STS: variants seen among roughly 807,000 people sequenced by gnomAD.
STS encodes the protein steryl-sulfatase.
Under a neutral mutation model 26.8 loss-of-function variants are expected in STS, and 7 were observed. That is an observed-to-expected ratio of 0.26 (90% CI 0.15 to 0.49). STS has a LOEUF of 0.49. Among genes scored for constraint, STS ranks in the 20% least tolerant of loss-of-function variants. The pLI is 0.98. For synonymous variants in STS, 199 were observed against 189.4 expected (o/e 1.05, Z -0.42); for missense variants, 434 against 465.6 (o/e 0.93, Z 0.63).
intron 2 of STS, among the ~76,000 whole-genome samples, chrX:7,204,406 C>G (rs942284727): frequency 9.0e-6 from 1 of 111,172 alleles, no homozygotes; most frequent in Non-Finnish European, 1.9e-5. Context: ...TTTTCTCATT[C>G]ATCATTTGTC....
intron 10 of STS, among the ~76,000 whole-genome samples, chrX:7,337,079 G>A (rs1241842538): frequency 7.1e-5 from 8 of 111,956 alleles, no homozygotes; most frequent in Non-Finnish European, 1.1e-4. Flanking sequence ...ATCATTTATC[G>A]AGATAAAGGA....
chrX:7,289,555 C>A (rs773118487), intron 7 of STS, among the ~76,000 whole-genome samples: 5 of 111,844 alleles, frequency 4.5e-5, no homozygotes, highest in African/African-American at 1.6e-4. Flanking sequence ...TACTGTGCAT[C>A]CTTCCCTGAC....
At chrX:7,293,481 A>G (rs776668763) in intron 7 of STS, among the ~76,000 whole-genome samples, 37 of 111,810 alleles carry the variant, frequency 3.3e-4, no homozygotes, top group Non-Finnish European at 1.5e-4. Flanking sequence ...CACTAATTTG[A>G]TATTCCCCAT....
At chrX:7,169,930 G>A (rs764597373) in intron 1 of STS, among the ~76,000 whole-genome samples, 4 of 110,444 alleles carry the variant, frequency 3.6e-5, no homozygotes, top group South Asian at 3.9e-4. Flanking sequence ...TCCCAGAAAC[G>A]GCACCACAGA....
intron 2 of STS, among the ~76,000 whole-genome samples, chrX:7,239,792 C>G (rs1272512158): frequency 1.8e-5 from 2 of 110,412 alleles, no homozygotes; most frequent in African/African-American, 3.3e-5. Flanking sequence ...TTATCAATAC[C>G]TTCTTGTAAG....
chrX:7,288,639 CGTGTGTGTGTGTGT>C (rs58375124), intron 7 of STS, among the ~76,000 whole-genome samples: 31 of 89,586 alleles, frequency 3.5e-4, no homozygotes, highest in African/African-American at 8.7e-4. Context: ...AAATTCTGTA[CGTGTGTGTGTGTGT>C]GTGTGTGTGT....
At chrX:7,158,518 CAT>C (rs1933179097) in intron 1 of STS, among the ~76,000 whole-genome samples, 1 of 111,788 alleles carries the variant, frequency 8.9e-6, no homozygotes. Flanking sequence ...GAAATCTTCA[CAT>C]GACAGGACCA....
intron 7 of STS, among the ~76,000 whole-genome samples, chrX:7,295,081 C>T (rs1213477298): frequency 8.9e-6 from 1 of 111,773 alleles, no homozygotes; most frequent in East Asian, 2.8e-4. Flanking sequence ...TTTAATTTTG[C>T]TAATTAAGTC....
intron 2 of STS, among the ~76,000 whole-genome samples, chrX:7,242,777 A>G (rs1922684380): frequency 8.9e-6 from 1 of 111,917 alleles, no homozygotes. Flanking sequence ...AAACCTCAAC[A>G]GCATAAACTG....
chrX:7,325,086 T>G (rs1302471149), intron 8 of STS, among the ~76,000 whole-genome samples: 1 of 111,718 alleles, frequency 9.0e-6, no homozygotes, highest in Non-Finnish European at 1.9e-5. Context: ...TTGCGTTGAG[T>G]CCCTCTGATT....
intron 1 of STS, among the ~76,000 whole-genome samples, chrX:7,184,809 G>A (rs770580942): frequency 1.8e-5 from 2 of 112,194 alleles, no homozygotes; most frequent in African/African-American, 3.2e-5. Context: ...GATGCAGGAA[G>A]ACCACAAGTG....
chrX:7,305,690 C>A (rs1344148272), intron 8 of STS, among the ~76,000 whole-genome samples: 1 of 111,607 alleles, frequency 9.0e-6, no homozygotes, highest in Non-Finnish European at 1.9e-5. Context: ...GGCTCATGGC[C>A]CCTTCTTCCA....
chrX:7,261,741 T>C (rs1465916593), intron 6 of STS, among the ~76,000 whole-genome samples: 3 of 111,923 alleles, frequency 2.7e-5, no homozygotes, highest in East Asian at 5.6e-4. Context: ...AGATAAATCA[T>C]AGGGTGTATT....
At chrX:7,160,672 CTT>C (rs1412081110) in intron 1 of STS, among the ~76,000 whole-genome samples, 2 of 112,336 alleles carry the variant, frequency 1.8e-5, no homozygotes, top group Admixed American at 1.9e-4. Context: ...CGGGAGATGT[CTT>C]TGCCATCCAA....
chrX:7,193,656 G>A (rs1289454304), intron 2 of STS, among the ~76,000 whole-genome samples: 1 of 110,482 alleles, frequency 9.1e-6, no homozygotes, highest in African/African-American at 3.3e-5. Context: ...TTGCAGTGGG[G>A]GTTAAAATAT....
chrX:7,192,312 G>A (rs1167217506), intron 2 of STS, among the ~76,000 whole-genome samples: 1 of 111,461 alleles, frequency 9.0e-6, no homozygotes, highest in Non-Finnish European at 1.9e-5. Flanking sequence ...GCCTGTAATC[G>A]CGGCACTTTG....
At chrX:7,225,111 T>C (rs934013986) in intron 2 of STS, among the ~76,000 whole-genome samples, 2 of 112,296 alleles carry the variant, frequency 1.8e-5, no homozygotes, top group African/African-American at 6.5e-5. Flanking sequence ...CAATTGTCCC[T>C]GTGTTCATAC....
chrX:7,325,706 C>T (rs1202142994), intron 9 of STS, among the ~76,000 whole-genome samples: 30 of 112,186 alleles, frequency 2.7e-4, no homozygotes, highest in African/African-American at 9.4e-4. Context: ...AAAGGAAGAC[C>T]CAAAGATACA....
intron 6 of STS, among the ~76,000 whole-genome samples, chrX:7,267,274 C>G (rs1480774093): frequency 8.9e-6 from 1 of 111,925 alleles, no homozygotes; most frequent in African/African-American, 3.2e-5. Context: ...GAGAATGCAT[C>G]TCTGTAATTC....
Sources: gnomAD v4.1 joint callset for allele counts (sites outside exome capture counted in the v4.1 genomes callset) on GRCh38, gnomAD v4.1.1 for gene constraint, MANE v1.5 for transcripts, NCBI Gene and HGNC (gene_info 2026-07-23, HGNC 2026-07-21) for gene names.